The following TSR1 variants were observed in gnomAD, a reference collection of about 807,000 sequenced individuals.
TSR1 encodes the protein pre-rRNA-processing protein TSR1 homolog.
In TSR1, 81 loss-of-function variants were observed where a neutral mutation model predicts 90.9. That is an observed-to-expected ratio of 0.89 (90% confidence interval 0.74 to 1.07). The LOEUF is 1.07. TSR1 is among the 50% of genes least tolerant of loss of function. TSR1 has a pLI of 0.00. For missense variants in TSR1, 989 were observed against 987.3 expected (o/e 1.00, Z -0.02); for synonymous variants, 362 against 348.8 (o/e 1.04, Z -0.42).
In TSR1 at chr17:2,334,789, A is replaced by G. The variant is rs2064036995; in HGVS notation, c.664T>C (p.Leu222=). 6.2e-7 allele frequency: 1 copy of G among 1,614,248 alleles called. No individual in the cohort carries two copies. The highest frequency in any genetic ancestry group is 2.2e-5 in the East Asian group (1 of 44,884). The change falls in exon 5 of 15, where the codon TTG becomes CTG. Residue 222 remains leucine (L), a synonymous_variant. Coordinates refer to ENST00000301364, the MANE Select transcript of TSR1 (RefSeq NM_018128.5). ...EKRFPHDKLL[L]LDTQQEAGML... ...CCTGCCTCCTGTTGAGTGTCTAACAAGAGGAGTTTGTCATGCGGAAAGCGC... is the reference window on the plus strand; with the variant it reads ...CCTGCCTCCTGTTGAGTGTCTAACAGGAGGAGTTTGTCATGCGGAAAGCGC...
At chr17:2,335,000 C>T in intron 4 of TSR1, 104 bp from the exon 5 acceptor site, 1 of 1,282,956 alleles carries the variant, frequency 7.8e-7, no homozygotes, top group African/African-American at 1.5e-5. Context: ...GCCCAGAGAT[C>T]ACTGGGAAGC....
In TSR1 at chr17:2,323,282, C is replaced by T. The variant is rs745313736; in HGVS notation, c.*914G>A. 2 of 1,614,156 alleles carry T rather than the reference C, an allele frequency of 1.2e-6. No homozygotes were observed. The highest frequency in any genetic ancestry group is 1.7e-5 in the Admixed American group (1 of 60,022). On this transcript the variant is annotated 3_prime_UTR_variant, in exon 15 of 15. Transcript: ENST00000301364. ...GTGTCAAATCCAGCATTGGCTTGAA[C>T]ACCTGGCCTATTATCAGGGACCTTG...
intron 5 of TSR1, 29 bp downstream of exon 5, chr17:2,334,443 T>C (rs779054785): frequency 1.3e-6 from 2 of 1,592,026 alleles, no homozygotes; most frequent in Admixed American, 1.7e-5. Flanking sequence ...AACTTTCATA[T>C]GAACATGAAT....
chr17:2,323,056 C>A lies in TSR1; in HGVS notation c.*1140G>T. ...TTGGGATTACAGGTGTGAGCCACCA[C>A]ACCAGGCCCATATTTTCTTTTAGAC... On this transcript the variant is annotated 3_prime_UTR_variant, in exon 15 of 15. Transcript: ENST00000301364. 6.9e-7 allele frequency: 1 copy of A among 1,453,714 alleles called. No individual in the cohort carries two copies. The highest frequency in any genetic ancestry group is 9.6e-7 in the Non-Finnish European group (1 of 1,041,938). 90.1% of individuals were successfully genotyped at this position (1,453,714 alleles called of 1,614,324 possible). A position where few individuals can be genotyped will look rare whatever the true frequency, so the allele number is the denominator to read the frequency against.
intron 10 of TSR1, 171 bp downstream of exon 10, chr17:2,330,344 T>C (rs373470652): frequency 7.2e-5 from 54 of 750,850 alleles, no homozygotes; most frequent in Non-Finnish European, 9.6e-5. Flanking sequence ...TCAGACGATA[T>C]GAATAAAACC....
chr17:2,334,767 G>A lies in TSR1; in HGVS notation c.686C>T (p.Ala229Val), dbSNP rs138934282. 4.6e-4 allele frequency: 746 copies of A among 1,614,084 alleles called. No individual in the cohort carries two copies. Among genetic ancestry groups the A allele is most frequent in the Non-Finnish European group, 5.9e-4 (699 of 1,180,042 alleles). ...AGCCAACTGCCTAAGCAGCATCCCT[G>A]CCTCCTGTTGAGTGTCTAACAAGAG... ...KLLLLDTQQE[A>V]GMLLRQLANQ... Residue 229 changes from alanine (A) to valine (V), a missense_variant, in exon 5 of 15, where the codon GCA becomes GTA. Coordinates refer to ENST00000301364, the MANE Select transcript of TSR1 (RefSeq NM_018128.5).
Position 2,336,079 on chromosome 17 carries a change from C to A in TSR1, c.159G>T (p.Gln53His). The change falls in exon 2 of 15, where the codon CAG (glutamine) becomes CAT (histidine). Residue 53 changes from glutamine to histidine, a missense_variant. By Grantham distance (24) the Gln-to-His change is conservative. Coordinates refer to ENST00000301364, the MANE Select transcript of TSR1 (RefSeq NM_018128.5). The stretch of plus-strand genomic sequence containing the variant: ...TTCGGAGCTGGCTGGCGCGATGCCT[C>A]TGGTCGACTCTGCTGAGTTCTTTTC... Reference protein sequence around the residue: ...KVRKELSRVDQRHRASQLRKQ... With the variant: ...KVRKELSRVDHRHRASQLRKQ... 1 of 1,614,240 alleles carries A rather than the reference C, an allele frequency of 6.2e-7. No individual in the cohort carries two copies. The highest frequency in any genetic ancestry group is 8.5e-7 in the Non-Finnish European group (1 of 1,180,038).
At chr17:2,328,593 A>C (rs931441368) in intron 11 of TSR1, among the ~76,000 whole-genome samples, 7 of 150,726 alleles carry the variant, frequency 4.6e-5, no homozygotes, top group Admixed American at 6.6e-5. Flanking sequence ...CGTCTCCAAA[A>C]AAACAAACAA....
intron 2 of TSR1, 46 bp downstream of exon 2, chr17:2,335,991 T>G: frequency 6.3e-7 from 1 of 1,595,738 alleles, no homozygotes; most frequent in South Asian, 1.1e-5. Context: ...ATTAGCCACC[T>G]AGAACACCAG....
chr17:2,329,478 G>C lies in TSR1; in HGVS notation c.1771-3C>G, dbSNP rs762304719. The stretch of plus-strand genomic sequence containing the variant: ...ACCACCATATTCAATACTGACATCT[G>C]GGGACCAAGTAAGAAAAACAAAAAT... On this transcript the variant is annotated splice_region_variant and splice_polypyrimidine_tract_variant and intron_variant, in intron 10 of 14. Transcript: ENST00000301364. The C allele has an allele frequency of 4.3e-6, 7 of 1,613,464 alleles. No individual in the cohort carries two copies. The Admixed American group carries it at 1.0e-4, about 23-fold the overall frequency.
chr17:2,334,903 G>T lies in TSR1; in HGVS notation c.557-7C>A. The T allele has an allele frequency of 6.2e-7, 1 of 1,602,904 alleles. No individual in the cohort carries two copies. Among genetic ancestry groups the T allele is most frequent in the Non-Finnish European group, 8.5e-7 (1 of 1,175,090 alleles). On this transcript the variant is annotated splice_polypyrimidine_tract_variant and splice_region_variant and intron_variant, in intron 4 of 14. Transcript: ENST00000301364. Reference sequence around the variant, plus strand: ...ATCCCCTGGACAGCTAGTGCTGTAAGCGAAAGAGAAAACGCTTCATGACCT... The same window carrying T: ...ATCCCCTGGACAGCTAGTGCTGTAATCGAAAGAGAAAACGCTTCATGACCT...
At chr17:2,332,466 C>A (rs955762261) in intron 7 of TSR1, 107 bp from the exon 8 acceptor site, 5 of 959,602 alleles carry the variant, frequency 5.2e-6, no homozygotes, top group Non-Finnish European at 6.1e-6. Flanking sequence ...TATTCCCAAC[C>A]AACATAAATT....
In TSR1 at chr17:2,332,266, C is replaced by T; in HGVS notation, c.1399G>A (p.Ala467Thr). ...TATTTCTCCAACATTTTTGCCTCAGCTTCTTCATCTACTTTCTTATCATAC... is the reference window on the plus strand; with the variant it reads ...TATTTCTCCAACATTTTTGCCTCAGTTTCTTCATCTACTTTCTTATCATAC... ...DLYDKKVDEE[A>T]EAKMLEKYKQ... Residue 467 changes from alanine (A) to threonine (T), a missense_variant, in exon 8 of 15, where the codon GCT becomes ACT. Physicochemically the swap from Ala to Thr is moderately conservative, Grantham distance 58 (BLOSUM62 0). Transcript: ENST00000301364. 6.2e-7 allele frequency: 1 copy of T among 1,614,030 alleles called. No individual in the cohort carries two copies. Among genetic ancestry groups the T allele is most frequent in the Non-Finnish European group, 8.5e-7 (1 of 1,179,992 alleles).
Position 2,323,099 on chromosome 17 carries a change from G to T in TSR1, c.*1097C>A. ...TTTTAGACATGCAGGCAATGTTGTG[G>T]TTTGTTGTTAAGATGTCTTAATATT... On this transcript the variant is annotated 3_prime_UTR_variant, in exon 15 of 15. Transcript: ENST00000301364. 6.2e-7 allele frequency: 1 copy of T among 1,603,736 alleles called. No homozygotes were observed. The highest frequency in any genetic ancestry group is 1.1e-5 in the South Asian group (1 of 90,850).
chr17:2,335,505 T>A lies in TSR1; in HGVS notation c.421+6A>T, dbSNP rs758590953. 2.5e-6 allele frequency: 4 copies of A among 1,613,176 alleles called. No homozygotes were observed. In the East Asian group the frequency reaches 6.7e-5, roughly 27 times the overall value. ...CATAATACAAAATATTGGTGTATAC[T>A]CTAACCTGGCCTTGCTGAGGTGAAA... is the stretch of plus-strand genomic sequence containing the variant. On this transcript the variant is annotated splice_donor_region_variant and intron_variant, in intron 3 of 14. Transcript: ENST00000301364.
At chr17:2,336,007 C>T (rs1414005649) in intron 2 of TSR1, 30 bp downstream of exon 2, 1 of 1,609,260 alleles carries the variant, frequency 6.2e-7, no homozygotes. Flanking sequence ...ACCAGAGAAG[C>T]CGCATTCTCC....
rs1216223979 is a variant in TSR1, at chr17:2,329,366, G to A, written c.1880C>T (p.Pro627Leu). ...ACCTGCAGTGTGCTGAGAGAATAAA[G>A]GTGAGGCTCGGAAGCGCCTGAATCC... ...HCGFRRFRAS[P>L]LFSQHTAADK... is the part of the protein sequence containing the mutation. The change falls in exon 11 of 15, where the codon CCT becomes CTT. Residue 627 changes from proline to leucine, a missense_variant. Transcript: ENST00000301364. 1 of 1,614,192 alleles carries A rather than the reference G, an allele frequency of 6.2e-7. No individual in the cohort carries two copies. Among genetic ancestry groups the A allele is most frequent in the Non-Finnish European group, 8.5e-7 (1 of 1,180,028 alleles).
Position 2,325,051 on chromosome 17 carries a change from T to C in TSR1, c.2021-222A>G, listed in dbSNP as rs1300946928. On this transcript the variant is annotated intron_variant, in intron 12 of 14. Transcript: ENST00000301364. ...AATGATGTATAACAAAACCATACTT[T>C]TTCTCATCAGTTGTTACAAGGAAAG... 12 of 605,474 alleles carry C rather than the reference T, an allele frequency of 2.0e-5. No individual in the cohort carries two copies. The Admixed American group carries it at 2.1e-4, about 11-fold the overall frequency. The allele number at this position is 605,474 out of a possible 1,614,324, so 37.5% of individuals were successfully genotyped here. A position where few individuals can be genotyped will look rare whatever the true frequency, so the allele number is the denominator to read the frequency against.
intron 11 of TSR1, among the ~76,000 whole-genome samples, chr17:2,328,276 T>C (rs370601902): frequency 5.7e-4 from 82 of 143,358 alleles, no homozygotes; most frequent in Non-Finnish European, 1.1e-3. Flanking sequence ...GCCAGGCACA[T>C]TGGCTCATGT....
Sources: allele counts gnomAD v4.1 joint callset (sites outside exome capture counted in the v4.1 genomes callset), GRCh38; gene constraint gnomAD v4.1.1; transcripts MANE v1.5; gene names NCBI Gene and HGNC (gene_info 2026-07-23, HGNC 2026-07-21).